The following LSMEM2 variants were observed in gnomAD, a reference collection of about 807,000 sequenced individuals.
The protein encoded by LSMEM2 is leucine-rich single-pass membrane protein 2.
Under a neutral mutation model 17.3 loss-of-function variants are expected in LSMEM2, and 20 were observed. The ratio of observed to expected loss-of-function variants is 1.16; its 90% CI spans 0.81 to 1.68. LSMEM2 has a LOEUF of 1.68. Ranked by LOEUF, LSMEM2 falls within the 40% of genes most tolerant of loss-of-function variation. LSMEM2 has a pLI of 0.00. For synonymous variants in LSMEM2, 94 were observed against 97.8 expected (o/e 0.96, Z 0.23); for missense variants, 207 against 214.3 (o/e 0.97, Z 0.21).
At position 50,288,102 on chromosome 3, in the gene LSMEM2, A is replaced by AAAT; in HGVS notation, c.*902_*904dup. On this transcript the variant is annotated 3_prime_UTR_variant, in exon 4 of 4. Transcript: ENST00000316436. ...TTGTCATTAAAAAAAATAAAGTGAC[A>AAAT]AATACTGGTGGAGACCAGTTGTTGC... The AAAT allele has an allele frequency of 8.4e-7, 1 of 1,191,692 alleles. No individual in the cohort carries two copies. Among genetic ancestry groups the AAAT allele is most frequent in the African/African-American group, 1.5e-5 (1 of 65,674 alleles). The allele number at this position is 1,191,692 out of a possible 1,614,324, so 73.8% of individuals were successfully genotyped here.
rs907260055 is a variant in LSMEM2, at chr3:50,284,227, C to G, written c.59-2244C>G. ...TCAAAAAAAAAAAAAAAAAAAAAAG[C>G]GCCACACACGTATTAGTCACACTCC... On this transcript the variant is annotated intron_variant, in intron 1 of 3. Transcript: ENST00000316436. Among the ~76,000 whole-genome samples the G allele has an allele frequency of 4.9e-3, 671 of 137,684 alleles. 5 individuals carry two copies. The highest frequency in any genetic ancestry group is 0.017 in the African/African-American group (627 of 37,220). The allele number at this position is 137,684 out of a possible 152,430, so 90.3% of individuals were successfully genotyped here. A position where few individuals can be genotyped will look rare whatever the true frequency, so the allele number is the denominator to read the frequency against.
chr3:50,286,977 G>C (rs965772548), intron 3 of LSMEM2, 92 bp from the exon 4 acceptor site: 7 of 1,588,146 alleles, frequency 4.4e-6, no homozygotes, highest in Non-Finnish European at 6.0e-6. Context: ...AGGATGGGGC[G>C]GGAGGCCCGT....
At position 50,288,064 on chromosome 3, in the gene LSMEM2, T is replaced by A; in HGVS notation, c.*862T>A. ...CGGGCCCCCAGCTACCCACCCCATG[T>A]CTGTTTTTGGTTTTGTCATTAAAAA... On this transcript the variant is annotated 3_prime_UTR_variant, in exon 4 of 4. Coordinates refer to ENST00000316436, the MANE Select transcript of LSMEM2 (RefSeq NM_153215.3). The A allele has an allele frequency of 2.3e-6, 2 of 863,212 alleles. No individual in the cohort carries two copies. Among genetic ancestry groups the A allele is most frequent in the Non-Finnish European group, 3.7e-6 (2 of 540,872 alleles). 53.5% of individuals were successfully genotyped at this position (863,212 alleles called of 1,614,324 possible).
upstream of LSMEM2, among the ~76,000 whole-genome samples, chr3:50,278,817 C>T (rs1553707417): frequency 6.6e-6 from 1 of 152,182 alleles, no homozygotes; most frequent in African/African-American, 2.4e-5. Context: ...CCACATGGGG[C>T]CTTGCTGAGC....
chr3:50,286,727 C>T lies in LSMEM2; in HGVS notation c.226C>T (p.Leu76=). The T allele has an allele frequency of 6.2e-7, 1 of 1,614,262 alleles. No homozygotes were observed. Among genetic ancestry groups the T allele is most frequent in the Non-Finnish European group, 8.5e-7 (1 of 1,180,048 alleles). Residue 76 remains leucine, a synonymous_variant, in exon 3 of 4, where the codon CTG becomes TTG. Transcript: ENST00000316436. The part of the protein sequence containing the change: ...TEEARPWDEL[L]GVLPPSLCAQ... The stretch of plus-strand genomic sequence containing the variant: ...AGAGGCACGACCGTGGGATGAGCTG[C>T]TGGGCGTTTTGCCGCCGTCACTGTG...
At position 50,287,499 on chromosome 3, in the gene LSMEM2, T is replaced by C. The variant is rs935886588; in HGVS notation, c.*297T>C. The C allele has an allele frequency of 4.4e-6, 2 of 453,824 alleles. No individual in the cohort carries two copies. The highest frequency in any genetic ancestry group is 8.1e-6 in the Non-Finnish European group (2 of 246,156). The allele number at this position is 453,824 out of a possible 1,614,324, so 28.1% of individuals were successfully genotyped here. A position where few individuals can be genotyped will look rare whatever the true frequency, so the allele number is the denominator to read the frequency against. ...GTCAACACTCTCTGGCCACCCCAGA[T>C]GGCAGGTTCTGAAGTCTAGAAATAG... On this transcript the variant is annotated 3_prime_UTR_variant, in exon 4 of 4. Transcript: ENST00000316436.
Position 50,286,964 on chromosome 3 carries a change from T to C in LSMEM2, c.361+102T>C. 5.7e-6 allele frequency: 9 copies of C among 1,586,536 alleles called. No homozygotes were observed. In the South Asian group the frequency reaches 1.0e-4, roughly 18 times the overall value. Reference sequence around the variant, plus strand: ...GGAGTAACTGCAGATGCTGCAGCAGTGAAGGATGGGGCGGGAGGCCCGTGG... The same window carrying C: ...GGAGTAACTGCAGATGCTGCAGCAGCGAAGGATGGGGCGGGAGGCCCGTGG... On this transcript the variant is annotated intron_variant, in intron 3 of 3. Transcript: ENST00000316436.
chr3:50,277,981 T>C (rs1701316396), upstream of LSMEM2, among the ~76,000 whole-genome samples: 1 of 151,944 alleles, frequency 6.6e-6, no homozygotes, highest in South Asian at 2.1e-4. Context: ...AAAAGAAAAC[T>C]GGGTGATGTG....
chr3:50,279,238 C>A, intron 1 of LSMEM2, 67 bp downstream of exon 1: 3 of 1,446,904 alleles, frequency 2.1e-6, no homozygotes, highest in Non-Finnish European at 2.9e-6. Context: ...CATGGAGAGA[C>A]CCACCCTCTG....
At chr3:50,282,560 C>T (rs1701426073) in intron 1 of LSMEM2, among the ~76,000 whole-genome samples, 1 of 152,130 alleles carries the variant, frequency 6.6e-6, no homozygotes, top group South Asian at 2.1e-4. Flanking sequence ...GATTTTTAGA[C>T]ATCAAGTTAA....
chr3:50,287,933 T>C lies in LSMEM2; in HGVS notation c.*731T>C. ...AGGAAGGGAAAGGCCCCCTAGTGCC[T>C]GCCCCACAGCCCTGAGGAAGGCACA... On this transcript the variant is annotated 3_prime_UTR_variant, in exon 4 of 4. Transcript: ENST00000316436. 2.1e-6 allele frequency: 1 copy of C among 477,072 alleles called. No homozygotes were observed. Among genetic ancestry groups the C allele is most frequent in the Non-Finnish European group, 3.8e-6 (1 of 263,324 alleles). The allele number at this position is 477,072 out of a possible 1,614,324, so 29.6% of individuals were successfully genotyped here. A position where few individuals can be genotyped will look rare whatever the true frequency, so the allele number is the denominator to read the frequency against.
At chr3:50,285,381 G>A (rs1345475509) in intron 1 of LSMEM2, among the ~76,000 whole-genome samples, 2 of 151,066 alleles carry the variant, frequency 1.3e-5, no homozygotes, top group Non-Finnish European at 2.9e-5. Flanking sequence ...GCTCATGCCT[G>A]TAAATGCCAG....
chr3:50,280,687 G>GGGTTCACGCCATTCTCCT (rs1701373895), intron 1 of LSMEM2, among the ~76,000 whole-genome samples: 1 of 150,984 alleles, frequency 6.6e-6, no homozygotes, highest in Non-Finnish European at 1.5e-5. Flanking sequence ...TCCGCCTTCC[G>GGGTTCACGCCATTCTCCT]GGTTCACGCC....
intron 1 of LSMEM2, among the ~76,000 whole-genome samples, chr3:50,286,119 G>C (rs782272187): frequency 1.3e-5 from 2 of 152,228 alleles, no homozygotes; most frequent in Non-Finnish European, 2.9e-5. Flanking sequence ...TGGGTCTGCA[G>C]GGAGAACTGA....
intron 1 of LSMEM2, among the ~76,000 whole-genome samples, chr3:50,281,713 C>G (rs868964987): frequency 7.6e-6 from 1 of 132,088 alleles, no homozygotes; most frequent in Admixed American, 8.4e-5. Flanking sequence ...GGGTCTCACT[C>G]TGTTGCCCAG....
At chr3:50,283,057 T>C (rs1701435246) in intron 1 of LSMEM2, among the ~76,000 whole-genome samples, 1 of 151,764 alleles carries the variant, frequency 6.6e-6, no homozygotes, top group East Asian at 1.9e-4. Flanking sequence ...TGGTGGCACG[T>C]GCCTGTAGTT....
upstream of LSMEM2, among the ~76,000 whole-genome samples, chr3:50,277,966 CAAAGA>C (rs1161264400): frequency 1.3e-5 from 2 of 152,150 alleles, no homozygotes; most frequent in Non-Finnish European, 2.9e-5. Context: ...GACTCTGTCT[CAAAGA>C]AAAGAAAACT....
chr3:50,283,709 G>A (rs1360493223), intron 1 of LSMEM2, among the ~76,000 whole-genome samples: 1 of 151,752 alleles, frequency 6.6e-6, no homozygotes, highest in Non-Finnish European at 1.5e-5. Context: ...TGAGGTAGGA[G>A]AAACCCTTGA....
At chr3:50,279,079 G>C, upstream of LSMEM2, 1 of 1,612,682 alleles carries the variant, frequency 6.2e-7, no homozygotes, top group Non-Finnish European at 8.5e-7. Context: ...GCTCACAAAG[G>C]AGCCACTGCT....
Sources: gnomAD v4.1 joint callset for allele counts (sites outside exome capture counted in the v4.1 genomes callset) on GRCh38, gnomAD v4.1.1 for gene constraint, MANE v1.5 for transcripts, NCBI Gene and HGNC (gene_info 2026-07-23, HGNC 2026-07-21) for gene names.